The following RAD54L2 variants were observed in gnomAD, a reference collection of about 807,000 sequenced individuals.
The protein encoded by RAD54L2 is helicase ARIP4.
RAD54L2 carries 27 observed loss-of-function variants against 138.4 expected under a neutral mutation model. That is an observed-to-expected ratio of 0.20 (90% CI 0.14 to 0.27). The LOEUF (loss-of-function observed/expected upper bound fraction) is 0.27. Ranked by LOEUF, RAD54L2 falls within the 10% of genes least tolerant of loss-of-function variation. The probability of loss-of-function intolerance (pLI) is 1.00; values close to 1 mark genes in which losing one functional copy is unlikely to be tolerated. For missense variants in RAD54L2, 1,396 were observed against 1,890.2 expected, an observed-to-expected ratio of 0.74 and a Z score of 4.85; for synonymous variants, 644 against 723.2, an observed-to-expected ratio of 0.89 and a Z score of 1.76.
chr3:51,593,994 G>A (rs1699897977), intron 3 of RAD54L2, among the ~76,000 whole-genome samples: 1 of 150,296 alleles, frequency 6.7e-6, no homozygotes, highest in Admixed American at 6.6e-5. Context: ...TTCCCTGTAA[G>A]CTTTAGCTCC....
chr3:51,637,608 C>T lies in RAD54L2; in HGVS notation c.1682+105C>T. ...ATAGGGTGTTGGAGTAGGAGGGCCC[C>T]TTCCCTGGGGCAGTAGTAAAACTTT... On this transcript the variant is annotated intron_variant, in intron 11 of 22. Coordinates refer to ENST00000684192, the MANE Select transcript of RAD54L2 (RefSeq NM_015106.4). The surrounding 1 kb of genome is among the most constrained non-coding windows in gnomAD (Gnocchi z 5.9). 8.8e-7 allele frequency: 1 copy of T among 1,135,340 alleles called. No homozygotes were observed. Among genetic ancestry groups the T allele is most frequent in the Non-Finnish European group, 1.2e-6 (1 of 817,764 alleles). The allele number at this position is 1,135,340 out of a possible 1,614,324, so 70.3% of individuals were successfully genotyped here. A position where few individuals can be genotyped will look rare whatever the true frequency, so the allele number is the denominator to read the frequency against.
chr3:51,655,075 G>A (rs1701561841), intron 19 of RAD54L2, among the ~76,000 whole-genome samples: 1 of 152,170 alleles, frequency 6.6e-6, no homozygotes, highest in African/African-American at 2.4e-5. Context: ...GCTGACCAAA[G>A]GGGCCTTTAA....
At chr3:51,631,286 T>G (rs1338778740) in intron 7 of RAD54L2, among the ~76,000 whole-genome samples, 1 of 152,078 alleles carries the variant, frequency 6.6e-6, no homozygotes, top group Non-Finnish European at 1.5e-5. Context: ...AGAAGAGATG[T>G]GAGAGTCAGA....
At chr3:51,643,221 G>A (rs1701184308) in intron 15 of RAD54L2, among the ~76,000 whole-genome samples, 1 of 152,116 alleles carries the variant, frequency 6.6e-6, no homozygotes, top group African/African-American at 2.4e-5. Flanking sequence ...TTTTAGTAGA[G>A]ACGGGGTTTC....
intron 2 of RAD54L2, among the ~76,000 whole-genome samples, chr3:51,547,854 T>C (rs1474640855): frequency 2.0e-5 from 3 of 152,122 alleles, no homozygotes; most frequent in Non-Finnish European, 4.4e-5. Flanking sequence ...AGTGCGGGGA[T>C]TACAGACGTG....
At chr3:51,580,134 CA>C (rs1340598048) in intron 2 of RAD54L2, among the ~76,000 whole-genome samples, 9 of 152,280 alleles carry the variant, frequency 5.9e-5, no homozygotes, top group Non-Finnish European at 7.3e-5. Context: ...CTTGGCCCAC[CA>C]GTAACTTCTG....
chr3:51,595,075 A>C (rs1037768756), intron 3 of RAD54L2, among the ~76,000 whole-genome samples: 1 of 151,890 alleles, frequency 6.6e-6, no homozygotes, highest in Non-Finnish European at 1.5e-5. Flanking sequence ...CATGTTGGCC[A>C]GGCTGGTCTC....
At chr3:51,574,320 CTT>C (rs1391237824) in intron 2 of RAD54L2, among the ~76,000 whole-genome samples, 10 of 152,262 alleles carry the variant, frequency 6.6e-5, no homozygotes, top group Admixed American at 1.3e-4. Context: ...GTGCATGTGT[CTT>C]TATAGAAGCA....
chr3:51,609,964 G>T (rs1382999645), intron 3 of RAD54L2, among the ~76,000 whole-genome samples: 1 of 44,596 alleles, frequency 2.2e-5, no homozygotes, highest in Non-Finnish European at 4.1e-5. Flanking sequence ...CATTTAAAAT[G>T]GATTTGGGGT....
In RAD54L2 at chr3:51,653,922, A is replaced by ATC. The variant is rs1207940987; in HGVS notation, c.3027-2049_3027-2048insTC. On this transcript the variant is annotated intron_variant, in intron 19 of 22. Coordinates refer to ENST00000684192, the MANE Select transcript of RAD54L2 (RefSeq NM_015106.4). ...GTTGTGCATGTGTACCCTGGAACTT[A>ATC]AAGTATAATAAAATTCAAACAAACA... Among the ~76,000 whole-genome samples, 14 of 152,340 alleles carry ATC rather than the reference A, an allele frequency of 9.2e-5. No individual in the cohort carries two copies. The South Asian group carries it at 2.7e-3, about 29-fold the overall frequency.
intron 3 of RAD54L2, among the ~76,000 whole-genome samples, chr3:51,608,583 G>A (rs973409219): frequency 2.0e-5 from 3 of 152,206 alleles, no homozygotes; most frequent in African/African-American, 4.8e-5. Flanking sequence ...CCGGCACCTC[G>A]GGAGGCTGAG....
At chr3:51,633,471 T>A in intron 7 of RAD54L2, 106 bp from the exon 8 acceptor site, 1 of 1,122,254 alleles carries the variant, frequency 8.9e-7, no homozygotes, top group Non-Finnish European at 1.3e-6. Flanking sequence ...TGCTATCTAT[T>A]ATAACGCCTT....
chr3:51,566,049 C>G (rs529736470), intron 2 of RAD54L2, among the ~76,000 whole-genome samples: 1 of 150,584 alleles, frequency 6.6e-6, no homozygotes, highest in Non-Finnish European at 1.5e-5. Flanking sequence ...AGGATAGTCT[C>G]GATCTCCTGA....
chr3:51,665,804 G>A lies in RAD54L2; in HGVS notation c.*2384G>A, dbSNP rs1559662813. 6.6e-6 allele frequency: 1 copy of A among 152,210 alleles called. No individual in the cohort carries two copies. The highest frequency in any genetic ancestry group is 1.5e-5 in the Non-Finnish European group (1 of 68,054). 9.4% of individuals were successfully genotyped at this position (152,210 alleles called of 1,614,324 possible). On this transcript the variant is annotated 3_prime_UTR_variant, in exon 23 of 23. Transcript: ENST00000684192. ...GGATCCCAGAGATGCATGTGTGCAT[G>A]TGTATGTCTGTGTGTGTGTGTTGTC... is the stretch of plus-strand genomic sequence containing the variant.
chr3:51,574,402 A>G (rs550279525), intron 2 of RAD54L2, among the ~76,000 whole-genome samples: 3 of 152,296 alleles, frequency 2.0e-5, no homozygotes, highest in Admixed American at 2.0e-4. Context: ...CTAGTTCTAG[A>G]TCCTTGAGGA....
chr3:51,594,764 G>T (rs1245596264), intron 3 of RAD54L2, among the ~76,000 whole-genome samples: 1 of 151,834 alleles, frequency 6.6e-6, no homozygotes, highest in Non-Finnish European at 1.5e-5. Context: ...GGACACAAGA[G>T]GGGTAATCAC....
chr3:51,630,556 A>C lies in RAD54L2; in HGVS notation c.599-149A>C. ...AAGTTTTTTGCTTGTCTTAACTTGA[A>C]GCTGAAAGAGAGAAATAGTAAAAGT... On this transcript the variant is annotated intron_variant, in intron 6 of 22. Transcript: ENST00000684192. 3.1e-6 allele frequency: 3 copies of C among 973,448 alleles called. No homozygotes were observed. In the South Asian group the frequency reaches 5.2e-5, roughly 17 times the overall value. 60.3% of individuals were successfully genotyped at this position (973,448 alleles called of 1,614,324 possible).
chr3:51,588,558 A>G (rs1699763353), intron 2 of RAD54L2, among the ~76,000 whole-genome samples: 1 of 151,772 alleles, frequency 6.6e-6, no homozygotes, highest in Non-Finnish European at 1.5e-5. Context: ...AAAAAAAGAA[A>G]AGAAAATTTG....
chr3:51,607,246 GCCCTGCCGCCTT>G (rs1397874234), intron 3 of RAD54L2, among the ~76,000 whole-genome samples: 1 of 151,742 alleles, frequency 6.6e-6, no homozygotes, highest in Admixed American at 6.6e-5. Context: ...TAGGCAGAGG[GCCCTGCCGCCTT>G]CCGCAGTGTT....
Sources: gnomAD v4.1 joint callset for allele counts (sites outside exome capture counted in the v4.1 genomes callset) on GRCh38, gnomAD v4.1.1 for gene constraint, Gnocchi (gnomAD v3.1) non-coding constraint, MANE v1.5 for transcripts, NCBI Gene and HGNC (gene_info 2026-07-23, HGNC 2026-07-21) for gene names.